The following ADAMTSL1 variants were observed in gnomAD, a reference collection of about 807,000 sequenced individuals.
ADAMTSL1 encodes ADAMTS like 1.
Under a neutral mutation model 201.8 loss-of-function variants are expected in ADAMTSL1, and 126 were observed. The ratio of observed to expected loss-of-function variants is 0.62; its 90% CI spans 0.54 to 0.72. The LOEUF is 0.72. ADAMTSL1 is among the 30% of genes least tolerant of loss of function. The pLI, the probability that ADAMTSL1 is intolerant of heterozygous loss-of-function variation, is 0.00. For missense variants in ADAMTSL1, 2,679 were observed against 2,277.8 expected, an observed-to-expected ratio of 1.18 and a Z score of -3.59; for synonymous variants, 1,121 against 903.4, an observed-to-expected ratio of 1.24 and a Z score of -4.32.
At chr9:18,816,218 A>G (rs1247489024) in intron 20 of ADAMTSL1, among the ~76,000 whole-genome samples, 2 of 152,116 alleles carry the variant, frequency 1.3e-5, no homozygotes, top group East Asian at 3.8e-4. Context: ...TAGATTCTAC[A>G]TATAAGTGAG....
chr9:18,224,174 A>G (rs931292366), intron 2 of ADAMTSL1, among the ~76,000 whole-genome samples: 1 of 152,156 alleles, frequency 6.6e-6, no homozygotes, highest in African/African-American at 2.4e-5. Context: ...TTAAGAGAAT[A>G]CCACAAATGG....
chr9:18,238,202 G>A (rs1411172285), intron 2 of ADAMTSL1, among the ~76,000 whole-genome samples: 2 of 152,166 alleles, frequency 1.3e-5, no homozygotes, highest in Non-Finnish European at 2.9e-5. Context: ...TTAGGACTAT[G>A]TGGAAATTTC....
At chr9:17,957,832 A>G (rs1289474144) in intron 1 of ADAMTSL1, among the ~76,000 whole-genome samples, 3 of 152,128 alleles carry the variant, frequency 2.0e-5, no homozygotes, top group Non-Finnish European at 4.4e-5. Context: ...AAGAGATGCT[A>G]AGGGCTGCTG....
intron 2 of ADAMTSL1, among the ~76,000 whole-genome samples, chr9:18,324,625 A>G (rs4351499): frequency 0.085 from 12,947 of 151,964 alleles, 743 homozygotes; most frequent in Non-Finnish European, 0.12. Flanking sequence ...TTAGCCTGGC[A>G]TGGTGGTGTA....
At chr9:18,436,124 G>T (rs1029242462) in intron 2 of ADAMTSL1, among the ~76,000 whole-genome samples, 3 of 152,216 alleles carry the variant, frequency 2.0e-5, no homozygotes, top group African/African-American at 7.2e-5. Flanking sequence ...TGGAGGGTTT[G>T]CAGGGGTCTA....
At chr9:18,873,833 A>G (rs771532901) in intron 23 of ADAMTSL1, among the ~76,000 whole-genome samples, 9 of 152,052 alleles carry the variant, frequency 5.9e-5, no homozygotes, top group Non-Finnish European at 1.3e-4. Flanking sequence ...TTCTGTGAAG[A>G]ATGATGGTGG....
intron 2 of ADAMTSL1, among the ~76,000 whole-genome samples, chr9:18,341,501 A>G (rs571014746): frequency 6.6e-6 from 1 of 152,156 alleles, no homozygotes; most frequent in Non-Finnish European, 1.5e-5. Flanking sequence ...AATGTCCTCC[A>G]TAAATAAATG....
At chr9:17,987,936 C>T (rs917931201) in intron 1 of ADAMTSL1, among the ~76,000 whole-genome samples, 1 of 152,090 alleles carries the variant, frequency 6.6e-6, no homozygotes, top group Non-Finnish European at 1.5e-5. Context: ...TCCCAGAATC[C>T]TGGCTTATTT....
chr9:18,081,144 TG>T (rs943959196), intron 1 of ADAMTSL1, among the ~76,000 whole-genome samples: 1 of 152,126 alleles, frequency 6.6e-6, no homozygotes, highest in African/African-American at 2.4e-5. Flanking sequence ...CAGCTTTGAG[TG>T]GGGGTGGACT....
chr9:18,344,982 C>T (rs1467849056), intron 2 of ADAMTSL1, among the ~76,000 whole-genome samples: 1 of 152,130 alleles, frequency 6.6e-6, no homozygotes, highest in African/African-American at 2.4e-5. Flanking sequence ...CTCCACTAAG[C>T]TCAAAGGCAT....
chr9:18,256,057 G>A (rs527928160), intron 2 of ADAMTSL1, among the ~76,000 whole-genome samples: 6 of 152,214 alleles, frequency 3.9e-5, no homozygotes, highest in Non-Finnish European at 5.9e-5. Flanking sequence ...TCTTCCAACC[G>A]AAAAGCATAA....
At chr9:18,239,665 T>G (rs1248384266) in intron 2 of ADAMTSL1, among the ~76,000 whole-genome samples, 2 of 152,044 alleles carry the variant, frequency 1.3e-5, no homozygotes, top group Admixed American at 1.3e-4. Context: ...TGACAATTGC[T>G]TGAACCCAAG....
intron 23 of ADAMTSL1, among the ~76,000 whole-genome samples, chr9:18,886,191 T>TATATATATATATATACACAC (rs1563888179): frequency 7.6e-6 from 1 of 130,810 alleles, no homozygotes; most frequent in African/African-American, 2.9e-5. Context: ...TATATATATA[T>TATATATATATATATACACAC]ATATATATAT....
chr9:18,782,358 A>G (rs1821444196), intron 19 of ADAMTSL1, among the ~76,000 whole-genome samples: 2 of 152,230 alleles, frequency 1.3e-5, no homozygotes, highest in African/African-American at 2.4e-5. Flanking sequence ...TGGAGTTTAC[A>G]TGCATTTGGA....
intron 3 of ADAMTSL1, among the ~76,000 whole-genome samples, chr9:18,538,447 G>A (rs952888151): frequency 6.6e-6 from 1 of 152,040 alleles, no homozygotes; most frequent in Non-Finnish European, 1.5e-5. Flanking sequence ...TGACCTCAAA[G>A]GTCCCGTCCA....
At chr9:18,467,104 T>C (rs1821037542) in intron 2 of ADAMTSL1, among the ~76,000 whole-genome samples, 1 of 152,230 alleles carries the variant, frequency 6.6e-6, no homozygotes, top group Non-Finnish European at 1.5e-5. Flanking sequence ...TACTCCGTTC[T>C]GTGAATACAA....
At chr9:18,340,448 C>T (rs183132545) in intron 2 of ADAMTSL1, among the ~76,000 whole-genome samples, 104 of 152,258 alleles carry the variant, frequency 6.8e-4, no homozygotes, top group Middle Eastern at 3.4e-3. Flanking sequence ...AAACACAATA[C>T]ATCCCAAACT....
At chr9:18,336,637 G>A (rs567958684) in intron 2 of ADAMTSL1, among the ~76,000 whole-genome samples, 1 of 152,192 alleles carries the variant, frequency 6.6e-6, no homozygotes, top group South Asian at 2.1e-4. Flanking sequence ...ATAGATGGGT[G>A]AAGTGGAAGG....
intron 2 of ADAMTSL1, among the ~76,000 whole-genome samples, chr9:18,453,830 C>T (rs1820505719): frequency 6.6e-6 from 1 of 152,122 alleles, no homozygotes; most frequent in Admixed American, 6.5e-5. Context: ...GCTCTCTGTG[C>T]TATTAGAAGC....
Sources: allele counts gnomAD v4.1 joint callset (sites outside exome capture counted in the v4.1 genomes callset), GRCh38; gene constraint gnomAD v4.1.1; transcripts MANE v1.5; gene names NCBI Gene and HGNC (gene_info 2026-07-23, HGNC 2026-07-21).